The following ADAM22 variants were observed in gnomAD, a reference collection of about 807,000 sequenced individuals.
ADAM22 encodes disintegrin and metalloproteinase domain-containing protein 22.
In ADAM22, 65 loss-of-function variants were observed where a neutral mutation model predicts 144.6. The observed-to-expected ratio is 0.45, with a 90% CI of 0.37 to 0.55. The LOEUF (loss-of-function observed/expected upper bound fraction) is 0.55. ADAM22 is among the 20% of genes least tolerant of loss of function. ADAM22 has a pLI of 0.00. For synonymous variants in ADAM22, 391 were observed against 412.6 expected (o/e 0.95, Z 0.63); for missense variants, 974 against 1,184.9 (o/e 0.82, Z 2.61).
chr7:88,005,705 T>C (rs912529399), intron 3 of ADAM22, among the ~76,000 whole-genome samples: 1 of 152,194 alleles, frequency 6.6e-6, no homozygotes, highest in Non-Finnish European at 1.5e-5. Flanking sequence ...CTTGGAATTT[T>C]ACTAATATGA....
At chr7:88,033,338 A>G (rs1365002925) in intron 3 of ADAM22, among the ~76,000 whole-genome samples, 1 of 152,198 alleles carries the variant, frequency 6.6e-6, no homozygotes, top group African/African-American at 2.4e-5. Context: ...ATCCTGAAGA[A>G]TTCTGTTTAT....
At chr7:87,980,819 G>A (rs1054914309) in intron 3 of ADAM22, among the ~76,000 whole-genome samples, 4 of 152,078 alleles carry the variant, frequency 2.6e-5, no homozygotes, top group African/African-American at 9.7e-5. Context: ...AAAAGGGTGG[G>A]GAGCAGTTTT....
At chr7:88,082,140 T>C (rs1816875902) in intron 4 of ADAM22, among the ~76,000 whole-genome samples, 1 of 151,978 alleles carries the variant, frequency 6.6e-6, no homozygotes. Context: ...AAAACAGACA[T>C]ATAGACCAAT....
At chr7:88,187,923 C>A (rs540216843) in intron 30 of ADAM22, among the ~76,000 whole-genome samples, 3 of 151,892 alleles carry the variant, frequency 2.0e-5, no homozygotes, top group Non-Finnish European at 4.4e-5. Context: ...TATACCCCAT[C>A]TTTCCCTCCT....
intron 3 of ADAM22, among the ~76,000 whole-genome samples, chr7:88,004,422 G>C (rs1300951819): frequency 6.6e-6 from 1 of 152,190 alleles, no homozygotes; most frequent in Non-Finnish European, 1.5e-5. Flanking sequence ...TTTGCCAAAT[G>C]TAACTCAAAA....
intron 3 of ADAM22, among the ~76,000 whole-genome samples, chr7:88,032,262 A>C (rs1800454758): frequency 6.6e-6 from 1 of 152,186 alleles, no homozygotes; most frequent in Non-Finnish European, 1.5e-5. Flanking sequence ...GTATTCTGCA[A>C]AACTGGGGTG....
intron 4 of ADAM22, among the ~76,000 whole-genome samples, chr7:88,076,063 G>C (rs1232219170): frequency 2.6e-5 from 4 of 152,046 alleles, no homozygotes; most frequent in African/African-American, 9.7e-5. Context: ...CGCCCAGCTG[G>C]AGTGCAATGG....
At chr7:88,045,888 TTGTG>T (rs59898382) in intron 3 of ADAM22, among the ~76,000 whole-genome samples, 5,337 of 133,866 alleles carry the variant, frequency 0.04, 122 homozygotes, top group East Asian at 0.1. Flanking sequence ...TCGTATTCTA[TTGTG>T]TGTGTGTGTG....
chr7:87,941,519 T>C (rs1842474585), intron 2 of ADAM22, among the ~76,000 whole-genome samples: 1 of 152,052 alleles, frequency 6.6e-6, no homozygotes, highest in Non-Finnish European at 1.5e-5. Context: ...TTTTATACTG[T>C]GCATTTGTTA....
At chr7:87,938,283 A>T (rs1439240171) in intron 2 of ADAM22, among the ~76,000 whole-genome samples, 1 of 120,828 alleles carries the variant, frequency 8.3e-6, no homozygotes, top group Non-Finnish European at 1.6e-5. Flanking sequence ...CAATGGCGTG[A>T]TCTCAGCTTA....
At chr7:88,087,992 G>T (rs144353539) in intron 4 of ADAM22, among the ~76,000 whole-genome samples, 151 of 152,274 alleles carry the variant, frequency 9.9e-4, no homozygotes, top group African/African-American at 3.5e-3. Context: ...AAGCAAAGGA[G>T]TGCGGGCCAC....
chr7:88,163,851 C>A lies in ADAM22; in HGVS notation c.2076+671C>A, dbSNP rs189184264. Among the ~76,000 whole-genome samples the A allele has an allele frequency of 2.0e-5, 3 of 152,114 alleles. No individual in the cohort carries two copies. The East Asian group carries it at 5.8e-4, about 29-fold the overall frequency. ...TCAGTTTCAATTAGGAATTCCTATACCATCAAAAAAGAGTTTGTTCTATTT... is the reference window on the plus strand; with the variant it reads ...TCAGTTTCAATTAGGAATTCCTATAACATCAAAAAAGAGTTTGTTCTATTT... On this transcript the variant is annotated intron_variant, in intron 23 of 31. Coordinates refer to ENST00000413139, the MANE Select transcript of ADAM22 (RefSeq NM_001324418.2).
intron 3 of ADAM22, among the ~76,000 whole-genome samples, chr7:87,995,549 G>C (rs1350950257): frequency 6.6e-6 from 1 of 152,132 alleles, no homozygotes; most frequent in Admixed American, 6.5e-5. Flanking sequence ...TTCCAGAGTG[G>C]TCCCTGGGAC....
At chr7:87,973,334 G>A (rs1353370192) in intron 2 of ADAM22, among the ~76,000 whole-genome samples, 3 of 152,114 alleles carry the variant, frequency 2.0e-5, no homozygotes, top group Admixed American at 2.0e-4. Flanking sequence ...AACACATGGA[G>A]AAGTGCTCAC....
In ADAM22 at chr7:88,195,661, G is replaced by T. The variant is rs866350215; in HGVS notation, c.2875-810G>T. The stretch of plus-strand genomic sequence containing the variant: ...CTCCCGAGTAGCTGGGACTACAGGT[G>T]CCCGCCACCACGCCCGGCTAATTTT... On this transcript the variant is annotated intron_variant, in intron 31 of 31. Transcript: ENST00000413139. 4.5e-4 allele frequency among the ~76,000 whole-genome samples: 68 copies of T among 152,052 alleles called. 1 individual carries two copies. The highest frequency in any genetic ancestry group is 6.8e-3 in the Middle Eastern group (2 of 294).
intron 3 of ADAM22, among the ~76,000 whole-genome samples, chr7:87,991,382 C>T (rs1441647805): frequency 4.6e-5 from 5 of 109,208 alleles, no homozygotes; most frequent in East Asian, 2.9e-4. Context: ...TTTTTTGAGA[C>T]GGAGTCTCGC....
At chr7:87,936,390 A>G (rs1336665641) in intron 2 of ADAM22, among the ~76,000 whole-genome samples, 1 of 152,216 alleles carries the variant, frequency 6.6e-6, no homozygotes, top group African/African-American at 2.4e-5. Flanking sequence ...TTTCAATGGT[A>G]AAACTGAAGA....
intron 3 of ADAM22, among the ~76,000 whole-genome samples, chr7:88,017,198 C>T (rs1340147478): frequency 1.3e-5 from 2 of 152,164 alleles, no homozygotes; most frequent in East Asian, 3.8e-4. Context: ...AGTTCTAGTG[C>T]TTTATAGCAC....
chr7:88,148,915 A>T, intron 17 of ADAM22, 62 bp from the exon 18 acceptor site: 3 of 1,237,754 alleles, frequency 2.4e-6, no homozygotes, highest in Admixed American at 2.3e-5. Context: ...TTTTTTTTAG[A>T]TGATATTGTA....
Sources: allele counts gnomAD v4.1 joint callset (sites outside exome capture counted in the v4.1 genomes callset), GRCh38; gene constraint gnomAD v4.1.1; transcripts MANE v1.5; gene names NCBI Gene and HGNC (gene_info 2026-07-23, HGNC 2026-07-21).